The following CEP112 variants were observed in gnomAD, a reference collection of about 807,000 sequenced individuals.
CEP112 encodes centrosomal protein 112.
In CEP112, 127 loss-of-function variants were observed where a neutral mutation model predicts 153.0. That is an observed-to-expected ratio of 0.83 (90% CI 0.72 to 0.96). The LOEUF is 0.96. CEP112 is among the 40% of genes least tolerant of loss of function. CEP112 has a pLI of 0.00. For missense variants in CEP112, 1,089 were observed against 1,101.2 expected, an observed-to-expected ratio of 0.99 and a Z score of 0.16; for synonymous variants, 358 against 374.4, an observed-to-expected ratio of 0.96 and a Z score of 0.51.
chr17:65,734,987 T>C (rs375524305), intron 23 of CEP112, among the ~76,000 whole-genome samples: 2 of 152,300 alleles, frequency 1.3e-5, no homozygotes, highest in Admixed American at 6.5e-5. Flanking sequence ...TTGGAAAACA[T>C]GGTTCTGTGA....
At chr17:65,710,771 A>G (rs545150770) in intron 23 of CEP112, among the ~76,000 whole-genome samples, 1 of 152,322 alleles carries the variant, frequency 6.6e-6, no homozygotes, top group African/African-American at 2.4e-5. Context: ...TCTGTAGCTT[A>G]AGAAGTGCAC....
chr17:66,051,134 C>T (rs1400373492), intron 12 of CEP112, among the ~76,000 whole-genome samples: 4 of 121,220 alleles, frequency 3.3e-5, no homozygotes, highest in Admixed American at 1.9e-4. Context: ...CACACCCCCC[C>T]GGGCCTAGCT....
At chr17:65,640,671 A>T (rs1035148647) in intron 25 of CEP112, among the ~76,000 whole-genome samples, 2 of 152,222 alleles carry the variant, frequency 1.3e-5, no homozygotes, top group African/African-American at 2.4e-5. Context: ...TGGACCTGAT[A>T]CCAAGAATAA....
chr17:65,844,533 A>C (rs1231193181), intron 21 of CEP112, among the ~76,000 whole-genome samples: 1 of 151,958 alleles, frequency 6.6e-6, no homozygotes, highest in East Asian at 1.9e-4. Context: ...AAAGATACAA[A>C]AATTAGCTGG....
At chr17:65,706,945 A>G (rs1025229618) in intron 23 of CEP112, among the ~76,000 whole-genome samples, 1 of 152,202 alleles carries the variant, frequency 6.6e-6, no homozygotes, top group African/African-American at 2.4e-5. Flanking sequence ...TATCCAAGGC[A>G]AAAACTCAGG....
At position 65,850,071 on chromosome 17, in the gene CEP112, T is replaced by C. The variant is rs377356211; in HGVS notation, c.2394+1733A>G. Among the ~76,000 whole-genome samples the C allele has an allele frequency of 3.3e-5, 5 of 150,124 alleles. No individual in the cohort carries two copies. In the East Asian group the frequency reaches 9.9e-4, roughly 30 times the overall value. ...CAGGAGGCTGAGGCAGGAGAGTTGC[T>C]TGAACCCAGGTGCCGGAAGTTGCAG... is the stretch of plus-strand genomic sequence containing the variant. On this transcript the variant is annotated intron_variant, in intron 21 of 26. Coordinates refer to ENST00000535342, the MANE Select transcript of CEP112 (RefSeq NM_001199165.4).
rs146570948 is a variant in CEP112 at position 65,843,828 on chromosome 17, T to C, written c.2394+7976A>G. Among the ~76,000 whole-genome samples, 875 of 152,254 alleles carry C rather than the reference T, an allele frequency of 5.7e-3. 6 individuals are homozygous for C. Among genetic ancestry groups the C allele is most frequent in the African/African-American group, 0.02 (842 of 41,548 alleles). ...TGATGTGTTGGTATATTTATAAATA[T>C]CAAAACATGAAGCTGAAAACAACTA... On this transcript the variant is annotated intron_variant, in intron 21 of 26. Coordinates refer to ENST00000535342, the MANE Select transcript of CEP112 (RefSeq NM_001199165.4).
chr17:65,969,824 A>G (rs949079304), intron 17 of CEP112, among the ~76,000 whole-genome samples: 8 of 124,226 alleles, frequency 6.4e-5, no homozygotes, highest in Non-Finnish European at 1.0e-4. Context: ...CTGCATACAT[A>G]TTACAAGCAT....
chr17:66,014,216 G>T (rs2064670499), intron 16 of CEP112, among the ~76,000 whole-genome samples: 1 of 152,134 alleles, frequency 6.6e-6, no homozygotes, highest in African/African-American at 2.4e-5. Flanking sequence ...GAGTGTGAGT[G>T]GGCCAGTGCA....
At chr17:66,037,293 C>T (rs1368406030) in intron 12 of CEP112, among the ~76,000 whole-genome samples, 1 of 152,038 alleles carries the variant, frequency 6.6e-6, no homozygotes, top group Non-Finnish European at 1.5e-5. Flanking sequence ...TTAAAATATA[C>T]AACCAGAATG....
At chr17:65,878,833 TA>T (rs368848280) in intron 20 of CEP112, among the ~76,000 whole-genome samples, 424 of 137,524 alleles carry the variant, frequency 3.1e-3, no homozygotes, top group Middle Eastern at 7.5e-3. Context: ...GGCTCTTCCC[TA>T]AAAAAAAAAA....
At chr17:65,978,441 G>A (rs760409335) in intron 17 of CEP112, among the ~76,000 whole-genome samples, 11 of 152,218 alleles carry the variant, frequency 7.2e-5, no homozygotes, top group African/African-American at 7.2e-5. Flanking sequence ...GCTCGGTCAC[G>A]TGCCAACTTT....
chr17:66,095,021 A>G (rs1388205363), intron 8 of CEP112, among the ~76,000 whole-genome samples: 1 of 152,244 alleles, frequency 6.6e-6, no homozygotes, highest in Non-Finnish European at 1.5e-5. Flanking sequence ...GATGTGGAGA[A>G]AAAAGAACCC....
intron 19 of CEP112, among the ~76,000 whole-genome samples, chr17:65,902,703 G>A (rs1179185682): frequency 7.9e-5 from 12 of 152,170 alleles, no homozygotes; most frequent in Admixed American, 7.2e-4. Context: ...CATGTAAAAA[G>A]CAGCAATTAA....
At chr17:66,122,068 G>A (rs1452454349) in intron 6 of CEP112, among the ~76,000 whole-genome samples, 1 of 151,886 alleles carries the variant, frequency 6.6e-6, no homozygotes, top group Non-Finnish European at 1.5e-5. Context: ...ATAATTTTTT[G>A]TATTTTTAGT....
chr17:65,670,967 T>C (rs2046953410), intron 24 of CEP112, among the ~76,000 whole-genome samples: 1 of 151,986 alleles, frequency 6.6e-6, no homozygotes, highest in South Asian at 2.1e-4. Context: ...CTACAGTCGT[T>C]GAAAAAATAA....
At chr17:66,126,977 T>G (rs2069878948) in intron 6 of CEP112, among the ~76,000 whole-genome samples, 1 of 152,172 alleles carries the variant, frequency 6.6e-6, no homozygotes, top group South Asian at 2.1e-4. Context: ...AATCTAAGCT[T>G]TCTAATAAAT....
At chr17:66,024,255 G>T (rs1202930258) in intron 16 of CEP112, among the ~76,000 whole-genome samples, 1 of 152,018 alleles carries the variant, frequency 6.6e-6, no homozygotes, top group Non-Finnish European at 1.5e-5. Flanking sequence ...ATAAGAACTG[G>T]AATAAGACAA....
At chr17:65,672,222 C>T (rs1598274072) in intron 24 of CEP112, among the ~76,000 whole-genome samples, 1 of 152,126 alleles carries the variant, frequency 6.6e-6, no homozygotes, top group Non-Finnish European at 1.5e-5. Flanking sequence ...ACAACACATC[C>T]ATCCATATTA....
Sources: gnomAD v4.1 joint callset for allele counts (sites outside exome capture counted in the v4.1 genomes callset) on GRCh38, gnomAD v4.1.1 for gene constraint, MANE v1.5 for transcripts, NCBI Gene and HGNC (gene_info 2026-07-23, HGNC 2026-07-21) for gene names.